Variants in LINGO2 observed in about 807,000 individuals in gnomAD.
LINGO2 encodes leucine rich repeat and Ig domain containing 2.
Under a neutral mutation model 30.6 loss-of-function variants are expected in LINGO2, and 14 were observed. That is an observed-to-expected ratio of 0.46 (90% CI 0.30 to 0.72). The LOEUF (loss-of-function observed/expected upper bound fraction) is 0.72, where lower values mean the gene tolerates loss of function less well. Among genes scored for constraint, LINGO2 ranks in the 30% least tolerant of loss-of-function variants. LINGO2 has a pLI of 0.07. For missense variants in LINGO2, 729 were observed against 751.7 expected (o/e 0.97, Z 0.35); for synonymous variants, 317 against 288.5 (o/e 1.10, Z -1.00).
chr9:28,531,082 A>C (rs1305843192), intron 1 of LINGO2, among the ~76,000 whole-genome samples: 3 of 149,080 alleles, frequency 2.0e-5, no homozygotes, highest in African/African-American at 7.3e-5. Context: ...AAAATTCCAA[A>C]TTAATAAGAC....
intron 2 of LINGO2, among the ~76,000 whole-genome samples, chr9:28,462,426 A>G (rs986027838): frequency 2.0e-5 from 3 of 151,258 alleles, no homozygotes; most frequent in Non-Finnish European, 4.4e-5. Flanking sequence ...AAAAAAAAAA[A>G]AAAAAAAAAA....
intron 4 of LINGO2, among the ~76,000 whole-genome samples, chr9:28,034,841 T>A (rs1252963105): frequency 1.3e-5 from 2 of 152,262 alleles, no homozygotes; most frequent in African/African-American, 4.8e-5. Context: ...CTCACTTGTT[T>A]GACCTCAGTC....
chr9:29,018,035 T>TATAGAG, the LINGO2 span, among the ~76,000 whole-genome samples: 1 of 142,772 alleles, frequency 7.0e-6, no homozygotes, highest in African/African-American at 2.5e-5. Context: ...TATATATATA[T>TATAGAG]AGAGAGAGAG....
intron 4 of LINGO2, among the ~76,000 whole-genome samples, chr9:28,027,754 T>A (rs958465244): frequency 1.3e-5 from 2 of 152,214 alleles, no homozygotes; most frequent in Admixed American, 1.3e-4. Context: ...TCATGTCTGC[T>A]TAGTAGATAA....
intron 2 of LINGO2, among the ~76,000 whole-genome samples, chr9:28,433,947 C>CTATATATATATATATATATATA (rs1417650474): frequency 1.6e-4 from 10 of 61,098 alleles, no homozygotes; most frequent in African/African-American, 4.9e-4. Flanking sequence ...CTCTCTCTCT[C>CTATATATATATATATATATATA]TCTATATATA....
rs752647981 is a variant in LINGO2, at chr9:28,147,614, C to T, written c.-86-135209G>A. Among the ~76,000 whole-genome samples the T allele has an allele frequency of 2.0e-5, 3 of 152,116 alleles. No homozygotes were observed. The East Asian group carries it at 5.8e-4, about 30-fold the overall frequency. On this transcript the variant is annotated intron_variant, in intron 4 of 5. Coordinates refer to ENST00000379992, the Ensembl canonical transcript of LINGO2. This position sits in a 1 kb window ranked among gnomAD's most constrained non-coding sequence, Gnocchi z 4.7. ...GGGACAGGGCCGGCCAAGACAGGGC[C>T]ACTGGGTGCCAGCCAGCACCTGGGC... is the stretch of plus-strand genomic sequence containing the variant.
At chr9:28,523,977 T>A (rs775835594) in intron 1 of LINGO2, among the ~76,000 whole-genome samples, 15 of 150,810 alleles carry the variant, frequency 9.9e-5, no homozygotes, top group African/African-American at 1.7e-4. Context: ...CCAAAAACAA[T>A]CTTGAAAATA....
rs146900753 is a variant in LINGO2 at position 28,665,985 on chromosome 9, G to A, written c.-365+4215C>T. ...TCGGCTCACTGCAACCTCCGCCTCT[G>A]GGTTCAAGCGATTCTCCTGCCTCAG... On this transcript the variant is annotated intron_variant, in intron 1 of 5. Transcript: ENST00000379992. 2.6e-3 allele frequency among the ~76,000 whole-genome samples: 393 copies of A among 150,418 alleles called. 2 individuals are homozygous for A. Among genetic ancestry groups the A allele is most frequent in the African/African-American group, 9.2e-3 (374 of 40,854 alleles).
At chr9:28,817,191 T>C in the LINGO2 span, among the ~76,000 whole-genome samples, 1 of 151,950 alleles carries the variant, frequency 6.6e-6, no homozygotes, top group Non-Finnish European at 1.5e-5. Context: ...AAAACTTTAA[T>C]ACGTAGTTCA....
Position 28,654,064 on chromosome 9 carries a change from A to C in LINGO2, c.-365+16136T>G, listed in dbSNP as rs116493726. Among the ~76,000 whole-genome samples the C allele has an allele frequency of 2.3e-3, 344 of 152,270 alleles. 2 individuals carry two copies. Among genetic ancestry groups the C allele is most frequent in the African/African-American group, 7.9e-3 (328 of 41,582 alleles). ...TGTTTTGCTAAATGACTATGTATATAATGACTTGTCTTCTTAGTTGCCTAT... is the reference window on the plus strand; with the variant it reads ...TGTTTTGCTAAATGACTATGTATATCATGACTTGTCTTCTTAGTTGCCTAT... On this transcript the variant is annotated intron_variant, in intron 1 of 5. Transcript: ENST00000379992.
At chr9:28,705,899 A>G in the LINGO2 span, among the ~76,000 whole-genome samples, 1 of 151,872 alleles carries the variant, frequency 6.6e-6, no homozygotes, top group Non-Finnish European at 1.5e-5. Context: ...CTGTAACCTC[A>G]CTTCTCTGAT....
intron 1 of LINGO2, among the ~76,000 whole-genome samples, chr9:28,560,810 G>T (rs1476097874): frequency 6.6e-6 from 1 of 151,886 alleles, no homozygotes; most frequent in African/African-American, 2.4e-5. Flanking sequence ...GGAACCACAG[G>T]TGCACACCAC....
At chr9:28,688,654 T>C in the LINGO2 span, among the ~76,000 whole-genome samples, 1 of 152,142 alleles carries the variant, frequency 6.6e-6, no homozygotes, top group Non-Finnish European at 1.5e-5. Flanking sequence ...AAGAACTAAT[T>C]ATTACATTAA....
At chr9:28,028,893 A>C (rs1238204245) in intron 4 of LINGO2, among the ~76,000 whole-genome samples, 1 of 152,144 alleles carries the variant, frequency 6.6e-6, no homozygotes, top group African/African-American at 2.4e-5. Context: ...GTAATCATCC[A>C]AATTTTACCT....
chr9:28,703,012 CT>C, the LINGO2 span, among the ~76,000 whole-genome samples: 269 of 150,916 alleles, frequency 1.8e-3, 1 homozygote, highest in African/African-American at 6.5e-3. Flanking sequence ...TAATTTTTAT[CT>C]TTTTTTTTCT....
the LINGO2 span, among the ~76,000 whole-genome samples, chr9:28,954,961 T>C: frequency 6.6e-6 from 1 of 152,092 alleles, no homozygotes. Context: ...GGGACTGTAA[T>C]GACTCATACC....
chr9:28,731,526 A>G, the LINGO2 span, among the ~76,000 whole-genome samples: 11 of 152,152 alleles, frequency 7.2e-5, no homozygotes, highest in African/African-American at 2.7e-4. Flanking sequence ...AATTGCTGCC[A>G]GGGGTTTAGG....
At chr9:27,957,243 T>C (rs944891797) in intron 5 of LINGO2, among the ~76,000 whole-genome samples, 2 of 152,216 alleles carry the variant, frequency 1.3e-5, no homozygotes, top group Admixed American at 6.5e-5. Flanking sequence ...ATACAGTATG[T>C]ACAGCTGTAC....
chr9:27,956,538 G>A (rs773000121), intron 5 of LINGO2, among the ~76,000 whole-genome samples: 18 of 151,966 alleles, frequency 1.2e-4, no homozygotes, highest in Admixed American at 5.2e-4. Flanking sequence ...AAGAGCAGAA[G>A]TTTTAAAATT....
Sources: gnomAD v4.1 joint callset for allele counts (sites outside exome capture counted in the v4.1 genomes callset) on GRCh38, gnomAD v4.1.1 for gene constraint, Gnocchi (gnomAD v3.1) non-coding constraint, MANE v1.5 for transcripts, NCBI Gene and HGNC (gene_info 2026-07-23, HGNC 2026-07-21) for gene names.